Variants in HMGCLL1 observed in about 807,000 individuals in gnomAD.
The protein encoded by HMGCLL1 is 3-hydroxymethyl-3-methylglutaryl-CoA lyase, cytoplasmic.
In HMGCLL1, 36 loss-of-function variants were observed where a neutral mutation model predicts 39.1. That is an observed-to-expected ratio of 0.92 (90% CI 0.71 to 1.22). The LOEUF is 1.22. Among genes scored for constraint, HMGCLL1 ranks in the 50% most tolerant of loss-of-function variants. HMGCLL1 has a pLI of 0.00. For synonymous variants in HMGCLL1, 149 were observed against 144.0 expected (o/e 1.03, Z -0.25); for missense variants, 451 against 416.5 (o/e 1.08, Z -0.72).
the HMGCLL1 span, among the ~76,000 whole-genome samples, chr6:55,649,229 G>C: frequency 1.3e-5 from 2 of 152,024 alleles, no homozygotes; most frequent in African/African-American, 4.8e-5. Context: ...TTTTCTTTCA[G>C]ATTGAAGAAT....
At chr6:55,583,351 C>A (rs1257609404), upstream of HMGCLL1, among the ~76,000 whole-genome samples, 1 of 151,934 alleles carries the variant, frequency 6.6e-6, no homozygotes, top group Non-Finnish European at 1.5e-5. Context: ...CCCTCTCCCC[C>A]CACCCCACAA....
At chr6:55,621,313 G>C in the HMGCLL1 span, among the ~76,000 whole-genome samples, 1 of 151,998 alleles carries the variant, frequency 6.6e-6, no homozygotes, top group South Asian at 2.1e-4. Context: ...CTGTTTTATA[G>C]TAGGGGCTCC....
intron 7 of HMGCLL1, among the ~76,000 whole-genome samples, chr6:55,458,417 G>T (rs1310168618): frequency 2.0e-5 from 3 of 152,140 alleles, no homozygotes; most frequent in Non-Finnish European, 1.5e-5. Flanking sequence ...CTCAAGGTGG[G>T]TTAATAAAAA....
At chr6:55,605,772 A>T in the HMGCLL1 span, among the ~76,000 whole-genome samples, 1 of 152,138 alleles carries the variant, frequency 6.6e-6, no homozygotes, top group South Asian at 2.1e-4. Context: ...CCACTGCATC[A>T]ACTCTCTAAA....
At chr6:55,630,085 C>G in the HMGCLL1 span, among the ~76,000 whole-genome samples, 1 of 152,094 alleles carries the variant, frequency 6.6e-6, no homozygotes, top group Non-Finnish European at 1.5e-5. Flanking sequence ...ACAACTTGCA[C>G]CATGCACCTG....
chr6:55,599,940 T>C, the HMGCLL1 span, among the ~76,000 whole-genome samples: 6 of 152,192 alleles, frequency 3.9e-5, no homozygotes, highest in Non-Finnish European at 8.8e-5. Flanking sequence ...GTGTTGGCTA[T>C]CTTGTCCATA....
At chr6:55,655,065 A>G in the HMGCLL1 span, among the ~76,000 whole-genome samples, 1 of 151,912 alleles carries the variant, frequency 6.6e-6, no homozygotes, top group Non-Finnish European at 1.5e-5. Context: ...CATATTATAA[A>G]TGTTTTTTCT....
intron 1 of HMGCLL1, among the ~76,000 whole-genome samples, chr6:55,576,729 T>C (rs1771776695): frequency 6.6e-6 from 1 of 152,042 alleles, no homozygotes; most frequent in Non-Finnish European, 1.5e-5. Flanking sequence ...CAGTGATACT[T>C]TGGGTGTGAG....
intron 7 of HMGCLL1, among the ~76,000 whole-genome samples, chr6:55,493,011 T>G (rs1766392856): frequency 6.6e-6 from 1 of 151,620 alleles, no homozygotes; most frequent in Admixed American, 6.6e-5. Context: ...TAGTTTAGCG[T>G]AAGCCGAAGA....
chr6:55,492,330 C>T (rs1318268094), intron 7 of HMGCLL1, among the ~76,000 whole-genome samples: 4 of 152,128 alleles, frequency 2.6e-5, no homozygotes, highest in Admixed American at 1.3e-4. Flanking sequence ...AATATATTTT[C>T]TTCTTCTCCT....
At chr6:55,641,812 A>T in the HMGCLL1 span, among the ~76,000 whole-genome samples, 2 of 151,166 alleles carry the variant, frequency 1.3e-5, no homozygotes, top group East Asian at 1.9e-4. Flanking sequence ...CAATCCTTGT[A>T]ATTTTAAATT....
At chr6:55,571,459 T>A (rs1771489518) in intron 1 of HMGCLL1, among the ~76,000 whole-genome samples, 1 of 152,134 alleles carries the variant, frequency 6.6e-6, no homozygotes, top group African/African-American at 2.4e-5. Context: ...AAATAGGAAA[T>A]GTAAAACGGT....
intron 7 of HMGCLL1, among the ~76,000 whole-genome samples, chr6:55,492,582 C>T (rs1015811508): frequency 1.3e-5 from 2 of 152,298 alleles, no homozygotes; most frequent in East Asian, 1.9e-4. Context: ...GATATCAATG[C>T]GTTTATCAAA....
intron 3 of HMGCLL1, among the ~76,000 whole-genome samples, chr6:55,517,212 T>G (rs1767787576): frequency 6.6e-6 from 1 of 152,058 alleles, no homozygotes; most frequent in Admixed American, 6.6e-5. Flanking sequence ...CCTGAAAAAT[T>G]TAACCTACCC....
chr6:55,635,616 AT>A, the HMGCLL1 span, among the ~76,000 whole-genome samples: 1 of 152,064 alleles, frequency 6.6e-6, no homozygotes, highest in Non-Finnish European at 1.5e-5. Context: ...CTGATAGTTG[AT>A]TTTTGCTTTC....
chr6:55,650,124 T>TATACACATATAC, the HMGCLL1 span, among the ~76,000 whole-genome samples: 1 of 69,074 alleles, frequency 1.4e-5, no homozygotes, highest in Non-Finnish European at 2.6e-5. Context: ...TATATATATA[T>TATACACATATAC]ATATATATAT....
chr6:55,635,556 A>AT, the HMGCLL1 span, among the ~76,000 whole-genome samples: 1 of 152,216 alleles, frequency 6.6e-6, no homozygotes, highest in Admixed American at 6.6e-5. Flanking sequence ...TAAAGACTAT[A>AT]TACTGTCTGT....
chr6:55,473,213 T>C (rs1406525038), intron 7 of HMGCLL1, among the ~76,000 whole-genome samples: 1 of 151,396 alleles, frequency 6.6e-6, no homozygotes, highest in Non-Finnish European at 1.5e-5. Flanking sequence ...AACCTCTGTC[T>C]TCAAATTTAG....
upstream of HMGCLL1, among the ~76,000 whole-genome samples, chr6:55,579,961 A>G (rs1278752944): frequency 1.3e-5 from 2 of 152,136 alleles, no homozygotes; most frequent in Non-Finnish European, 2.9e-5. Context: ...TCACACCCTA[A>G]TAATCTTCGC....
Sources: gnomAD v4.1 joint callset for allele counts (sites outside exome capture counted in the v4.1 genomes callset) on GRCh38, gnomAD v4.1.1 for gene constraint, MANE v1.5 for transcripts, NCBI Gene and HGNC (gene_info 2026-07-23, HGNC 2026-07-21) for gene names.